Variants in PTPN21 observed in about 807,000 individuals in gnomAD.
PTPN21 encodes tyrosine-protein phosphatase non-receptor type 21.
PTPN21 carries 77 observed loss-of-function variants against 131.8 expected under a neutral mutation model. The observed-to-expected ratio is 0.58, with a 90% confidence interval of 0.49 to 0.71. The LOEUF is 0.71. Ranked by LOEUF, PTPN21 falls within the 30% of genes least tolerant of loss-of-function variation. The pLI is 0.00. For missense variants in PTPN21, 1,552 were observed against 1,527.1 expected, an observed-to-expected ratio of 1.02 and a Z score of -0.27; for synonymous variants, 715 against 621.3, an observed-to-expected ratio of 1.15 and a Z score of -2.24.
At chr14:88,489,774 G>C (rs1414534759) in intron 10 of PTPN21, among the ~76,000 whole-genome samples, 1 of 152,118 alleles carries the variant, frequency 6.6e-6, no homozygotes, top group Non-Finnish European at 1.5e-5. Context: ...TCTCCTCCCA[G>C]CCTACACTTG....
rs1001107580 is a variant in PTPN21 at position 88,466,308 on chromosome 14, G to A, written c.*1829C>T. 6.6e-6 allele frequency: 1 copy of A among 152,012 alleles called. No homozygotes were observed. Among genetic ancestry groups the A allele is most frequent in the African/African-American group, 2.4e-5 (1 of 41,382 alleles). The allele number at this position is 152,012 out of a possible 1,614,324, so 9.4% of individuals were successfully genotyped here. A position where few individuals can be genotyped will look rare whatever the true frequency, so the allele number is the denominator to read the frequency against. Reference sequence around the variant, plus strand: ...TAAAATTTTAATTTTGTTCCTACATGAGAAGTGTGCGTACTTTCAATTAGT... The same window carrying A: ...TAAAATTTTAATTTTGTTCCTACATAAGAAGTGTGCGTACTTTCAATTAGT... On this transcript the variant is annotated 3_prime_UTR_variant, in exon 19 of 19. Coordinates refer to ENST00000556564, the MANE Select transcript of PTPN21 (RefSeq NM_007039.4).
At chr14:88,496,192 C>G (rs911621267) in intron 10 of PTPN21, among the ~76,000 whole-genome samples, 3 of 152,050 alleles carry the variant, frequency 2.0e-5, no homozygotes, top group African/African-American at 4.8e-5. Flanking sequence ...CCCTTTTTAC[C>G]TTTCAAGAAT....
At chr14:88,483,429 T>C (rs1247900492) in intron 12 of PTPN21, among the ~76,000 whole-genome samples, 1 of 151,590 alleles carries the variant, frequency 6.6e-6, no homozygotes, top group Non-Finnish European at 1.5e-5. Context: ...AGGGAGGAAA[T>C]ACAAGAACAT....
chr14:88,548,909 T>C (rs564944461), intron 2 of PTPN21, among the ~76,000 whole-genome samples: 7 of 152,298 alleles, frequency 4.6e-5, no homozygotes, highest in East Asian at 3.9e-4. Flanking sequence ...GGTACTCTAA[T>C]AGACTAGTTA....
intron 2 of PTPN21, among the ~76,000 whole-genome samples, chr14:88,521,174 T>C (rs1294054164): frequency 6.6e-6 from 1 of 152,088 alleles, no homozygotes; most frequent in Non-Finnish European, 1.5e-5. Flanking sequence ...AAATATCATT[T>C]AGTTTCACCC....
chr14:88,517,075 G>A lies in PTPN21; in HGVS notation c.350+17C>T, dbSNP rs747356457. The A allele has an allele frequency of 2.4e-5, 39 of 1,610,182 alleles. No homozygotes were observed. Among genetic ancestry groups the A allele is most frequent in the African/African-American group, 2.3e-4 (17 of 74,794 alleles). On this transcript the variant is annotated intron_variant, in intron 3 of 18. Coordinates refer to ENST00000556564, the MANE Select transcript of PTPN21 (RefSeq NM_007039.4). Reference sequence around the variant, plus strand: ...ACTAGACTATTTCCTAAAAACAAACGGCATGTAATTTCTCACCTGGTAATC... The same window carrying A: ...ACTAGACTATTTCCTAAAAACAAACAGCATGTAATTTCTCACCTGGTAATC...
At chr14:88,492,805 C>A in intron 10 of PTPN21, 1 of 212,518 alleles carries the variant, frequency 4.7e-6, no homozygotes, top group Non-Finnish European at 9.7e-6. Flanking sequence ...TGCTCTTCTC[C>A]CCTGTGACTC....
intron 11 of PTPN21, 69 bp downstream of exon 11, chr14:88,485,713 G>A (rs1468817718): frequency 8.6e-7 from 1 of 1,164,062 alleles, no homozygotes; most frequent in Non-Finnish European, 1.3e-6. Context: ...TAACAGCATT[G>A]AAAGCATATT....
At chr14:88,524,649 G>A (rs1162776208) in intron 2 of PTPN21, among the ~76,000 whole-genome samples, 1 of 152,196 alleles carries the variant, frequency 6.6e-6, no homozygotes, top group Non-Finnish European at 1.5e-5. Context: ...GCTGATGCCT[G>A]TAATCCTAGC....
chr14:88,485,153 G>A lies in PTPN21; in HGVS notation c.1001C>T (p.Pro334Leu), dbSNP rs369308133. The change falls in exon 12 of 19, where the codon CCC (proline) becomes CTC (leucine). Residue 334 changes from proline (P) to leucine (L), a missense_variant. Physicochemically the swap from Pro to Leu is moderately conservative, Grantham distance 98. This residue lies in a region of PTPN21 where 1,016 missense variants were observed against 883.5 expected (regional missense o/e 1.15). Transcript: ENST00000556564. ...RSSSRMSLPK[P>L]QPYVMPPPPQ... ...TGGGGGAGGCATCACGTAGGGCTGG[G>A]GTTTAGGCTAAGAAATGGAGAGTTT... The A allele has an allele frequency of 2.5e-6, 4 of 1,587,096 alleles. No individual in the cohort carries two copies. The Admixed American group carries it at 5.2e-5, about 20-fold the overall frequency.
At position 88,527,905 on chromosome 14, in the gene PTPN21, T is replaced by C. The variant is rs369534463; in HGVS notation, c.181-10644A>G. ...AATTATCCCAGCACCATTTGCTGAA[T>C]ACGGTGTCCTTTCCCCACTTTATGT... On this transcript the variant is annotated intron_variant, in intron 2 of 18. Transcript: ENST00000556564. 5.9e-5 allele frequency among the ~76,000 whole-genome samples: 9 copies of C among 152,310 alleles called. No individual in the cohort carries two copies. The South Asian group carries it at 1.7e-3, about 28-fold the overall frequency.
chr14:88,501,726 C>T (rs1273714243), intron 6 of PTPN21, among the ~76,000 whole-genome samples: 2 of 151,974 alleles, frequency 1.3e-5, no homozygotes, highest in African/African-American at 2.4e-5. Flanking sequence ...TGCCTGTAAC[C>T]GCAGCACCTT....
chr14:88,549,832 G>C (rs972602012), intron 2 of PTPN21, among the ~76,000 whole-genome samples: 1 of 150,350 alleles, frequency 6.7e-6, no homozygotes. Context: ...GAGCGATCTC[G>C]GCTCACTGCA....
intron 6 of PTPN21, among the ~76,000 whole-genome samples, chr14:88,502,321 C>CA (rs2078022033): frequency 6.6e-6 from 1 of 152,164 alleles, no homozygotes; most frequent in Admixed American, 6.5e-5. Context: ...GCCTGTGACT[C>CA]ACCTGTGGAC....
chr14:88,497,156 T>A, intron 9 of PTPN21, 47 bp downstream of exon 9: 1 of 1,450,442 alleles, frequency 6.9e-7, no homozygotes, highest in Non-Finnish European at 9.7e-7. Context: ...TAGAACTTGT[T>A]AACTTTTAGG....
chr14:88,475,143 G>C (rs1014002899), intron 13 of PTPN21, among the ~76,000 whole-genome samples: 2 of 152,012 alleles, frequency 1.3e-5, no homozygotes, highest in Non-Finnish European at 2.9e-5. Context: ...TTCCTTGGAT[G>C]ATATCAATAT....
chr14:88,533,743 T>C (rs971201639), intron 2 of PTPN21, among the ~76,000 whole-genome samples: 4 of 151,722 alleles, frequency 2.6e-5, no homozygotes, highest in Non-Finnish European at 4.4e-5. Flanking sequence ...ATCAGCCAGG[T>C]GTGGTGGTGT....
chr14:88,519,982 T>A (rs2078365452), intron 2 of PTPN21, among the ~76,000 whole-genome samples: 1 of 152,224 alleles, frequency 6.6e-6, no homozygotes, highest in Non-Finnish European at 1.5e-5. Context: ...CTGGACTACC[T>A]CTACCAGAAG....
chr14:88,488,428 G>A (rs912593452), intron 10 of PTPN21, among the ~76,000 whole-genome samples: 1 of 152,184 alleles, frequency 6.6e-6, no homozygotes, highest in Non-Finnish European at 1.5e-5. Context: ...GACCCAGGCA[G>A]CCACGCCATC....
Sources: gnomAD v4.1 joint callset for allele counts (sites outside exome capture counted in the v4.1 genomes callset) on GRCh38, gnomAD v4.1.1 for gene constraint, gnomAD v4.1.1 regional missense constraint, MANE v1.5 for transcripts, NCBI Gene and HGNC (gene_info 2026-07-23, HGNC 2026-07-21) for gene names.